The following ROBO1 variants were observed in gnomAD, a reference collection of about 807,000 sequenced individuals.
ROBO1 encodes roundabout guidance receptor 1, also known as roundabout homolog 1.
ROBO1 carries 149 observed loss-of-function variants against 195.9 expected under a neutral mutation model. The ratio of observed to expected loss-of-function variants is 0.76; its 90% CI spans 0.67 to 0.87. The LOEUF is 0.87. ROBO1 is among the 40% of genes least tolerant of loss of function. The probability of loss-of-function intolerance (pLI) is 0.00; values close to 1 mark genes in which losing one functional copy is unlikely to be tolerated. For missense variants in ROBO1, 1,933 were observed against 2,068.3 expected (o/e 0.93, Z 1.27); for synonymous variants, 816 against 733.2 (o/e 1.11, Z -1.82).
chr3:79,323,557 C>T (rs942709076), intron 2 of ROBO1, among the ~76,000 whole-genome samples: 1 of 152,116 alleles, frequency 6.6e-6, no homozygotes, highest in South Asian at 2.1e-4. Flanking sequence ...ATCATCAATT[C>T]TGAAGCCAAA....
rs749834537 is a variant in ROBO1 at position 78,635,823 on chromosome 3, T to C, written c.3323A>G (p.Glu1108Gly). 1.9e-6 allele frequency: 3 copies of C among 1,613,846 alleles called. No homozygotes were observed. Among genetic ancestry groups the C allele is most frequent in the Non-Finnish European group, 2.5e-6 (3 of 1,179,798 alleles). Residue 1108 changes from glutamate to glycine, a missense_variant, in exon 23 of 31, where the codon GAA becomes GGA. Physicochemically the swap from Glu to Gly is moderately conservative, Grantham distance 98. Transcript: ENST00000464233. ...HWKPLGQQKQ[E>G]VAPVQYNIVE... is the part of the protein sequence containing the mutation. ...GATGTTGTACTGAACTGGTGCCACT[T>C]CTTGTTTCTGCTGTCCCAGTGGTTT...
At chr3:79,680,664 A>G (rs2106969216) in intron 1 of ROBO1, among the ~76,000 whole-genome samples, 1 of 152,144 alleles carries the variant, frequency 6.6e-6, no homozygotes, top group African/African-American at 2.4e-5. Context: ...TGACAGTCAT[A>G]TTTAACAAAG....
intron 2 of ROBO1, among the ~76,000 whole-genome samples, chr3:79,585,910 A>T (rs1943813480): frequency 6.6e-6 from 1 of 152,028 alleles, no homozygotes; most frequent in South Asian, 2.1e-4. Flanking sequence ...TACAGGTTTT[A>T]AATGACATAT....
intron 2 of ROBO1, among the ~76,000 whole-genome samples, chr3:79,327,339 G>A (rs1160788708): frequency 2.0e-5 from 3 of 151,966 alleles, no homozygotes; most frequent in East Asian, 1.9e-4. Flanking sequence ...TATTTACTCA[G>A]TAAAATATGC....
intron 2 of ROBO1, among the ~76,000 whole-genome samples, chr3:79,563,777 G>A (rs1943002168): frequency 6.6e-6 from 1 of 152,026 alleles, no homozygotes; most frequent in Non-Finnish European, 1.5e-5. Context: ...TGAAAGATGT[G>A]AGGTAAATCT....
At chr3:79,247,253 G>T (rs1314769619) in intron 2 of ROBO1, among the ~76,000 whole-genome samples, 1 of 148,444 alleles carries the variant, frequency 6.7e-6, no homozygotes, top group Admixed American at 6.8e-5. Context: ...CAGTTAAATT[G>T]TTCCAAAGTG....
At chr3:79,550,195 G>GAAAGAAAGAAAGGAAAGAAAA in intron 2 of ROBO1, among the ~76,000 whole-genome samples, 2 of 100,838 alleles carry the variant, frequency 2.0e-5, no homozygotes, top group African/African-American at 9.3e-5. Flanking sequence ...AAGAAAGAAA[G>GAAAGAAAGAAAGGAAAGAAAA]GAAAAGAAAA....
intron 3 of ROBO1, among the ~76,000 whole-genome samples, chr3:79,075,643 C>T (rs1041380552): frequency 6.6e-6 from 1 of 151,760 alleles, no homozygotes; most frequent in South Asian, 2.1e-4. Flanking sequence ...AAGAAATAGT[C>T]TCTATGTTTA....
chr3:79,599,994 TA>T (rs922070662), intron 1 of ROBO1, among the ~76,000 whole-genome samples: 1 of 151,982 alleles, frequency 6.6e-6, no homozygotes, highest in African/African-American at 2.4e-5. Context: ...GATGATTCCT[TA>T]AAAGTATACT....
intron 4 of ROBO1, among the ~76,000 whole-genome samples, chr3:78,874,311 C>T (rs1056361764): frequency 6.6e-6 from 1 of 151,882 alleles, no homozygotes; most frequent in African/African-American, 2.4e-5. Context: ...ACACATAAAA[C>T]TCCATGTTGT....
chr3:79,606,902 C>T (rs1029773761), intron 1 of ROBO1, among the ~76,000 whole-genome samples: 2 of 151,750 alleles, frequency 1.3e-5, no homozygotes, highest in Non-Finnish European at 2.9e-5. Context: ...ACTAACTGTA[C>T]TTTATTTAGC....
intron 2 of ROBO1, among the ~76,000 whole-genome samples, chr3:79,556,253 A>G (rs1266514131): frequency 6.6e-6 from 1 of 152,148 alleles, no homozygotes; most frequent in Non-Finnish European, 1.5e-5. Context: ...ATGCCCTTTG[A>G]CAAATAATAA....
chr3:79,417,205 A>G (rs1298957343), intron 2 of ROBO1, among the ~76,000 whole-genome samples: 1 of 152,096 alleles, frequency 6.6e-6, no homozygotes, highest in Admixed American at 6.6e-5. Context: ...TGTAAAAGAC[A>G]TTGGGGTTTT....
chr3:79,399,444 A>G (rs1445938526), intron 2 of ROBO1, among the ~76,000 whole-genome samples: 2 of 152,110 alleles, frequency 1.3e-5, no homozygotes, highest in African/African-American at 4.8e-5. Flanking sequence ...CTTTGCATTT[A>G]CTGTGCCCAC....
intron 19 of ROBO1, among the ~76,000 whole-genome samples, chr3:78,647,930 C>T (rs1706401490): frequency 6.6e-6 from 1 of 152,098 alleles, no homozygotes; most frequent in Non-Finnish European, 1.5e-5. Flanking sequence ...CATTTAGTAA[C>T]ACAGATTTAG....
chr3:78,598,957 A>AAAAT (rs1346502292), intron 30 of ROBO1, 30 bp from the exon 31 acceptor site: 1 of 1,463,556 alleles, frequency 6.8e-7, no homozygotes, highest in Non-Finnish European at 9.4e-7. Context: ...GTCACATTTG[A>AAAAT]AAATAAATCT....
chr3:78,958,091 A>T, intron 3 of ROBO1, among the ~76,000 whole-genome samples: 1 of 152,230 alleles, frequency 6.6e-6, no homozygotes, highest in East Asian at 1.9e-4. Flanking sequence ...ACAATATATA[A>T]TACAGTCTTT....
At chr3:79,200,615 G>A (rs1452503006) in intron 2 of ROBO1, among the ~76,000 whole-genome samples, 1 of 151,704 alleles carries the variant, frequency 6.6e-6, no homozygotes, top group East Asian at 1.9e-4. Flanking sequence ...AGAGTGAGTA[G>A]GAGTGAGCAA....
chr3:79,624,932 C>T (rs373407717), intron 1 of ROBO1, among the ~76,000 whole-genome samples: 8 of 152,032 alleles, frequency 5.3e-5, no homozygotes, highest in African/African-American at 7.2e-5. Flanking sequence ...ATTCTAAAAT[C>T]GACCACATAA....
Sources: gnomAD v4.1 joint callset for allele counts (sites outside exome capture counted in the v4.1 genomes callset) on GRCh38, gnomAD v4.1.1 for gene constraint, MANE v1.5 for transcripts, NCBI Gene and HGNC (gene_info 2026-07-23, HGNC 2026-07-21) for gene names.